POLD1: variants seen among roughly 807,000 people sequenced by gnomAD.
POLD1 encodes the protein DNA polymerase delta catalytic subunit.
In POLD1, 79 loss-of-function variants were observed where a neutral mutation model predicts 129.7. The observed-to-expected ratio is 0.61, with a 90% CI of 0.51 to 0.73. The LOEUF (loss-of-function observed/expected upper bound fraction) is 0.73, where lower values mean the gene tolerates loss of function less well. Ranked by LOEUF, POLD1 falls within the 30% of genes least tolerant of loss-of-function variation. The probability of loss-of-function intolerance (pLI) is 0.00; values close to 1 mark genes in which losing one functional copy is unlikely to be tolerated. For synonymous variants in POLD1, 714 were observed against 683.3 expected, an observed-to-expected ratio of 1.04 and a Z score of -0.70; for missense variants, 1,338 against 1,595.8, an observed-to-expected ratio of 0.84 and a Z score of 2.75.
intron 1 of POLD1, among the ~76,000 whole-genome samples, chr19:50,388,122 G>A (rs55996490): frequency 0.019 from 2,916 of 152,286 alleles, 90 homozygotes; most frequent in African/African-American, 0.063. Context: ...AGAATAGGCA[G>A]ATCCATGGAG....
Position 50,417,953 on chromosome 19 carries a change from C to T in POLD1, c.*6C>T. On this transcript the variant is annotated 3_prime_UTR_variant, in exon 27 of 27. Coordinates refer to ENST00000440232, the MANE Select transcript of POLD1 (RefSeq NM_002691.4). ...CTGGACCTGAGGCCTGGTGACCTTG[C>T]AAGCATCCCATGGGGCGGGGGCGGG... The T allele has an allele frequency of 6.4e-7, 1 of 1,567,706 alleles. No individual in the cohort carries two copies. The highest frequency in any genetic ancestry group is 8.8e-7 in the Non-Finnish European group (1 of 1,141,814).
chr19:50,417,306 C>G (rs1486128489), intron 26 of POLD1, 37 bp downstream of exon 26: 2 of 1,432,852 alleles, frequency 1.4e-6, no homozygotes, highest in South Asian at 2.4e-5. Context: ...TGCCCCGCCC[C>G]TTCCCAGCTC....
chr19:50,403,320 G>A (rs1369707363), intron 9 of POLD1, 101 bp downstream of exon 9: 2 of 1,277,700 alleles, frequency 1.6e-6, no homozygotes, highest in East Asian at 4.9e-5. Flanking sequence ...ATGTCTGTGG[G>A]TCTGGGTGGG....
chr19:50,397,439 C>G (rs546788131), intron 1 of POLD1, among the ~76,000 whole-genome samples: 2 of 146,552 alleles, frequency 1.4e-5, no homozygotes, highest in Admixed American at 6.8e-5. Context: ...GAGTCTTGCT[C>G]TGTGGCCCAG....
chr19:50,409,792 G>A lies in POLD1; in HGVS notation c.2154+126G>A. 2 of 1,039,208 alleles carry A rather than the reference G, an allele frequency of 1.9e-6. No homozygotes were observed. Among genetic ancestry groups the A allele is most frequent in the Admixed American group, 2.5e-5 (1 of 39,758 alleles). The allele number at this position is 1,039,208 out of a possible 1,614,324, so 64.4% of individuals were successfully genotyped here. On this transcript the variant is annotated intron_variant, in intron 17 of 26. Coordinates refer to ENST00000440232, the MANE Select transcript of POLD1 (RefSeq NM_002691.4). The surrounding 1 kb of genome is among the most constrained non-coding windows in gnomAD (Gnocchi z 5.8). ...CCCCAACTCACTGGCCTTCTAGAGA[G>A]AGGATGCCAATGTGGCTTGAGCAAT... is the stretch of plus-strand genomic sequence containing the variant.
Position 50,415,011 on chromosome 19 carries a change from C to T in POLD1, c.2564+21C>T, listed in dbSNP as rs760040436. The T allele has an allele frequency of 1.1e-5, 16 of 1,519,838 alleles. No homozygotes were observed. The highest frequency in any genetic ancestry group is 1.4e-5 in the Non-Finnish European group (16 of 1,129,758). The allele number at this position is 1,519,838 out of a possible 1,614,324, so 94.1% of individuals were successfully genotyped here. A position where few individuals can be genotyped will look rare whatever the true frequency, so the allele number is the denominator to read the frequency against. ...GACCGGTGTGTGGGGCCTCCTCCCT[C>T]AGACTCAGGGGGCTGGGCCCCAAAC... On this transcript the variant is annotated intron_variant, in intron 20 of 26. Coordinates refer to ENST00000440232, the MANE Select transcript of POLD1 (RefSeq NM_002691.4).
Position 50,403,071 on chromosome 19 carries a change from A to T in POLD1, c.989A>T (p.Glu330Val), listed in dbSNP as rs1568622036. The change falls in exon 9 of 27, where the codon GAG (glutamate) becomes GTG (valine). Residue 330 changes from glutamate to valine, a missense_variant. Coordinates refer to ENST00000440232, the MANE Select transcript of POLD1 (RefSeq NM_002691.4). ...AGRKGIFPEP[E>V]RDPVIQICSL... ...CTCGCAGGCATCTTCCCTGAGCCTG[A>T]GCGGGACCCTGTCATCCAGATCTGC... 1.3e-6 allele frequency: 2 copies of T among 1,561,706 alleles called. No homozygotes were observed. The highest frequency in any genetic ancestry group is 1.7e-6 in the Non-Finnish European group (2 of 1,152,526).
chr19:50,411,796 C>T (rs1378404835), intron 17 of POLD1, among the ~76,000 whole-genome samples: 7 of 151,262 alleles, frequency 4.6e-5, no homozygotes, highest in East Asian at 3.9e-4. Context: ...GCCGAGATTG[C>T]GCCAGTGCGC....
intron 1 of POLD1, among the ~76,000 whole-genome samples, chr19:50,392,213 G>A (rs917029684): frequency 2.0e-5 from 3 of 152,074 alleles, no homozygotes; most frequent in African/African-American, 7.2e-5. Flanking sequence ...TGGGACTGTA[G>A]GTATGCACCA....
At position 50,401,824 on chromosome 19, in the gene POLD1, C is replaced by A. The variant is rs772384393; in HGVS notation, c.363C>A (p.Ser121=). ...VPGGPPPSRG[S]VPVLRAFGVT... is the part of the protein sequence containing the mutation. The stretch of plus-strand genomic sequence containing the variant: ...GGGGGCCCCCACCATCCCGCGGCTC[C>A]GTGCCTGTGCTCCGCGCCTTCGGGG... The change falls in exon 4 of 27, where the codon TCC becomes TCA. Residue 121 remains serine, a synonymous_variant. Transcript: ENST00000440232. The A allele has an allele frequency of 1.9e-6, 3 of 1,613,718 alleles. No individual in the cohort carries two copies. The South Asian group carries it at 3.3e-5, about 18-fold the overall frequency.
chr19:50,409,043 G>A lies in POLD1; in HGVS notation c.1893-79G>A. The A allele has an allele frequency of 1.5e-6, 2 of 1,354,654 alleles. No homozygotes were observed. The highest frequency in any genetic ancestry group is 1.2e-5 in the South Asian group (1 of 82,052). The allele number at this position is 1,354,654 out of a possible 1,614,324, so 83.9% of individuals were successfully genotyped here. On this transcript the variant is annotated intron_variant, in intron 15 of 26. Transcript: ENST00000440232. The surrounding 1 kb of genome is among the most constrained non-coding windows in gnomAD (Gnocchi z 5.8). ...CTTGAGGGGCCTGCGTGTGCTCATGGCCAAGGCCAGGACCGTAGGGCAGAG... is the reference window on the plus strand; with the variant it reads ...CTTGAGGGGCCTGCGTGTGCTCATGACCAAGGCCAGGACCGTAGGGCAGAG...
intron 1 of POLD1, among the ~76,000 whole-genome samples, chr19:50,395,500 C>T (rs956952226): frequency 2.6e-5 from 4 of 151,588 alleles, no homozygotes; most frequent in African/African-American, 9.7e-5. Context: ...GGGAGAATGG[C>T]GTGAACCCGG....
chr19:50,394,088 G>A (rs2122143178), intron 1 of POLD1: 1 of 152,452 alleles, frequency 6.6e-6, no homozygotes, highest in African/African-American at 2.4e-5. Flanking sequence ...TTGGCAGACA[G>A]CTTTGCTCTG....
At chr19:50,412,482 A>C (rs2039120054) in intron 17 of POLD1, among the ~76,000 whole-genome samples, 2 of 152,016 alleles carry the variant, frequency 1.3e-5, no homozygotes, top group Admixed American at 1.3e-4. Context: ...AAAAAAATTG[A>C]ATCATTTCAG....
chr19:50,416,808 T>G lies in POLD1; in HGVS notation c.3067+85T>G, dbSNP rs952084824. On this transcript the variant is annotated intron_variant, in intron 24 of 26. Coordinates refer to ENST00000440232, the MANE Select transcript of POLD1 (RefSeq NM_002691.4). The stretch of plus-strand genomic sequence containing the variant: ...GATCCTAGACACCCACCCCATCGGC[T>G]GGCACTGCCACCCAGTGGGCCCAGG... 3 of 1,145,346 alleles carry G rather than the reference T, an allele frequency of 2.6e-6. No homozygotes were observed. In the African/African-American group the frequency reaches 4.6e-5, roughly 18 times the overall value. 70.9% of individuals were successfully genotyped at this position (1,145,346 alleles called of 1,614,324 possible).
Position 50,409,314 on chromosome 19 carries a change from C to A in POLD1, c.2006+79C>A. ...AATCCCTGTCCCTCACTGGGACACC[C>A]CAGGGCTGCCCAGCCACCCTGCCCT... On this transcript the variant is annotated intron_variant, in intron 16 of 26. Coordinates refer to ENST00000440232, the MANE Select transcript of POLD1 (RefSeq NM_002691.4). This position sits in a 1 kb window ranked among gnomAD's most constrained non-coding sequence, Gnocchi z 5.8. 1.6e-6 allele frequency: 2 copies of A among 1,215,154 alleles called. No homozygotes were observed. Among genetic ancestry groups the A allele is most frequent in the Non-Finnish European group, 2.4e-6 (2 of 832,574 alleles). 75.3% of individuals were successfully genotyped at this position (1,215,154 alleles called of 1,614,324 possible). A position where few individuals can be genotyped will look rare whatever the true frequency, so the allele number is the denominator to read the frequency against.
chr19:50,402,774 C>A (rs1477328551), intron 8 of POLD1, 33 bp downstream of exon 8: 1 of 1,559,996 alleles, frequency 6.4e-7, no homozygotes, highest in Non-Finnish European at 8.7e-7. Context: ...CTGCCCGCCT[C>A]ATTGATGTGC....
At position 50,415,803 on chromosome 19, in the gene POLD1, G is replaced by T. The variant is rs764785216; in HGVS notation, c.2797G>T (p.Val933Leu). ...CGTGATCATCAGTGCCGCCAAGGGT[G>T]TGGCCGCCTACATGAAGTCGGAGGT... ...PYVIISAAKG[V>L]AAYMKSEDPL... The change falls in exon 22 of 27, where the codon GTG becomes TTG. Residue 933 changes from valine (V) to leucine (L), a missense_variant. Around this residue, in one of 3 missense-constraint regions of POLD1, gnomAD observed 286 missense variants for 277.5 expected, o/e 1.03. Transcript: ENST00000440232. The T allele has an allele frequency of 1.7e-5, 26 of 1,549,008 alleles. No individual in the cohort carries two copies. Among genetic ancestry groups the T allele is most frequent in the Non-Finnish European group, 2.2e-5 (25 of 1,148,774 alleles).
At chr19:50,401,438 G>A (rs1343415468) in intron 3 of POLD1, among the ~76,000 whole-genome samples, 5 of 108,062 alleles carry the variant, frequency 4.6e-5, no homozygotes, top group Non-Finnish European at 7.0e-5. Context: ...ACTGGGTCTC[G>A]CTCTTTTGCC....
Sources: gnomAD v4.1 joint callset for allele counts (sites outside exome capture counted in the v4.1 genomes callset) on GRCh38, gnomAD v4.1.1 for gene constraint, gnomAD v4.1.1 regional missense constraint, Gnocchi (gnomAD v3.1) non-coding constraint, MANE v1.5 for transcripts, NCBI Gene and HGNC (gene_info 2026-07-23, HGNC 2026-07-21) for gene names.